Variants in GPC6 observed in about 807,000 individuals in gnomAD.
GPC6 encodes the protein glypican 6, also known as glypican-6.
In GPC6, 14 loss-of-function variants were observed where a neutral mutation model predicts 55.2. The observed-to-expected ratio is 0.25, with a 90% CI of 0.17 to 0.40. The LOEUF is 0.40. GPC6 is among the 10% of genes least tolerant of loss of function. GPC6 has a pLI of 1.00. For missense variants in GPC6, 641 were observed against 708.5 expected (o/e 0.90, Z 1.08); for synonymous variants, 278 against 259.6 (o/e 1.07, Z -0.68).
chr13:93,380,454 T>C (rs9524035), intron 1 of GPC6, among the ~76,000 whole-genome samples: 56,603 of 152,070 alleles, frequency 0.37, 12,019 homozygotes, highest in Non-Finnish European at 0.5. Context: ...CCCAGGGTGA[T>C]GCGTAAAGAG....
At chr13:93,918,754 C>G (rs1877415875) in intron 3 of GPC6, among the ~76,000 whole-genome samples, 1 of 152,176 alleles carries the variant, frequency 6.6e-6, no homozygotes, top group Non-Finnish European at 1.5e-5. Context: ...TCTCCATTAA[C>G]CTGATCCAGC....
At chr13:93,789,635 A>G (rs1367399052) in intron 2 of GPC6, among the ~76,000 whole-genome samples, 1 of 96,906 alleles carries the variant, frequency 1.0e-5, no homozygotes, top group African/African-American at 3.7e-5. Flanking sequence ...ATATATATAT[A>G]TATATATATA....
intron 2 of GPC6, among the ~76,000 whole-genome samples, chr13:93,618,636 A>C (rs942450952): frequency 6.6e-6 from 1 of 152,134 alleles, no homozygotes; most frequent in Non-Finnish European, 1.5e-5. Context: ...AGAACTCTCG[A>C]AGTCTGTATT....
At position 94,157,680 on chromosome 13, in the gene GPC6, G is replaced by A. The variant is rs568359552; in HGVS notation, c.878-128669G>A. Among the ~76,000 whole-genome samples the A allele has an allele frequency of 2.6e-5, 4 of 152,300 alleles. No individual in the cohort carries two copies. The East Asian group carries it at 7.7e-4, about 29-fold the overall frequency. ...ACAATAGAGGGCATTGAAGGACTTG[G>A]AGGAGGAGACTGGTTTGACTCCTGC... On this transcript the variant is annotated intron_variant, in intron 4 of 8. Transcript: ENST00000377047.
At chr13:94,006,005 A>C (rs1347584511) in intron 3 of GPC6, among the ~76,000 whole-genome samples, 2 of 152,164 alleles carry the variant, frequency 1.3e-5, no homozygotes, top group African/African-American at 2.4e-5. Context: ...CCTAAGGGTA[A>C]AAATGATATT....
At chr13:93,853,095 C>T (rs1418859224) in intron 3 of GPC6, among the ~76,000 whole-genome samples, 2 of 151,802 alleles carry the variant, frequency 1.3e-5, no homozygotes, top group East Asian at 3.9e-4. Context: ...CCTCTTCTGA[C>T]ATTGTCACTA....
At chr13:93,585,378 AAC>A (rs547630093) in intron 2 of GPC6, among the ~76,000 whole-genome samples, 69 of 152,300 alleles carry the variant, frequency 4.5e-4, no homozygotes, top group African/African-American at 1.5e-3. Flanking sequence ...ATTCTATAAT[AAC>A]AGTTAATATT....
Position 94,178,211 on chromosome 13 carries a change from T to A in GPC6, c.878-108138T>A, listed in dbSNP as rs375205864. Among the ~76,000 whole-genome samples, 214 of 152,070 alleles carry A rather than the reference T, an allele frequency of 1.4e-3. 3 individuals are homozygous for A. In the South Asian group the frequency reaches 0.036, roughly 26 times the overall value. ...ATGGGGTTTCACTATGTTGGCCAGG[T>A]TGCTCTTGAACTCCTGACTTTGTGA... On this transcript the variant is annotated intron_variant, in intron 4 of 8. Coordinates refer to ENST00000377047, the MANE Select transcript of GPC6 (RefSeq NM_005708.5).
intron 4 of GPC6, among the ~76,000 whole-genome samples, chr13:94,218,268 A>G (rs1890280582): frequency 2.0e-5 from 3 of 152,164 alleles, no homozygotes; most frequent in Admixed American, 6.5e-5. Context: ...TAGCTGCAAG[A>G]TAATTTAAAA....
intron 2 of GPC6, among the ~76,000 whole-genome samples, chr13:93,587,204 A>G (rs778823279): frequency 4.3e-4 from 65 of 151,966 alleles, no homozygotes; most frequent in Non-Finnish European, 7.9e-4. Flanking sequence ...TTATTATATA[A>G]TATTTTATTA....
intron 4 of GPC6, among the ~76,000 whole-genome samples, chr13:94,200,801 T>C (rs760607508): frequency 3.9e-5 from 6 of 152,200 alleles, no homozygotes; most frequent in African/African-American, 7.2e-5. Context: ...TTGAAATGCT[T>C]TTTGAGGTAT....
chr13:93,898,964 TATACACACAC>T (rs1876185119), intron 3 of GPC6, among the ~76,000 whole-genome samples: 1 of 143,004 alleles, frequency 7.0e-6, no homozygotes, highest in East Asian at 2.0e-4. Flanking sequence ...TATATATATA[TATACACACAC>T]ATATATATAC....
intron 3 of GPC6, among the ~76,000 whole-genome samples, chr13:94,026,544 CA>C (rs1187482116): frequency 2.6e-5 from 4 of 151,862 alleles, no homozygotes; most frequent in Non-Finnish European, 4.4e-5. Context: ...TGGAACCAAC[CA>C]AATGAATATG....
intron 2 of GPC6, among the ~76,000 whole-genome samples, chr13:93,767,641 T>G (rs7319499): frequency 0.086 from 13,029 of 152,134 alleles, 857 homozygotes; most frequent in East Asian, 0.29. Flanking sequence ...GCACATACTC[T>G]GTTTCATAAA....
At chr13:93,894,937 A>C (rs867747801) in intron 3 of GPC6, among the ~76,000 whole-genome samples, 7 of 151,846 alleles carry the variant, frequency 4.6e-5, no homozygotes, top group African/African-American at 7.3e-5. Context: ...GTATTTCTCA[A>C]CCATTTTTTA....
chr13:93,604,152 G>A (rs1414693036), intron 2 of GPC6, among the ~76,000 whole-genome samples: 1 of 152,208 alleles, frequency 6.6e-6, no homozygotes, highest in Non-Finnish European at 1.5e-5. Context: ...GGACAGAAAT[G>A]TACTTTCTTT....
intron 3 of GPC6, among the ~76,000 whole-genome samples, chr13:93,848,368 G>T (rs1238274394): frequency 6.6e-6 from 1 of 151,844 alleles, no homozygotes; most frequent in African/African-American, 2.4e-5. Flanking sequence ...TTTCTGTGTT[G>T]CTTCCTCTCT....
At chr13:94,231,389 A>G (rs1435468149) in intron 4 of GPC6, among the ~76,000 whole-genome samples, 1 of 152,194 alleles carries the variant, frequency 6.6e-6, no homozygotes, top group African/African-American at 2.4e-5. Flanking sequence ...TTTCTGAAGA[A>G]GCAAGTTCAG....
At chr13:94,087,903 T>C (rs1885346675) in intron 4 of GPC6, among the ~76,000 whole-genome samples, 1 of 152,184 alleles carries the variant, frequency 6.6e-6, no homozygotes, top group Non-Finnish European at 1.5e-5. Flanking sequence ...TGAGCAGCAA[T>C]CATTTCTTTG....
Sources: allele counts gnomAD v4.1 joint callset (sites outside exome capture counted in the v4.1 genomes callset), GRCh38; gene constraint gnomAD v4.1.1; transcripts MANE v1.5; gene names NCBI Gene and HGNC (gene_info 2026-07-23, HGNC 2026-07-21).